GALNT18: variants seen among roughly 807,000 people sequenced by gnomAD.
GALNT18 encodes polypeptide N-acetylgalactosaminyltransferase 18.
A neutral mutation model predicts 69.5 loss-of-function variants in GALNT18; 44 were observed. The observed-to-expected ratio is 0.63, with a 90% CI of 0.50 to 0.81. GALNT18 has a LOEUF of 0.81. GALNT18 is among the 40% of genes least tolerant of loss of function. The probability of loss-of-function intolerance (pLI) is 0.00; values close to 1 mark genes in which losing one functional copy is unlikely to be tolerated. For missense variants in GALNT18, 715 were observed against 810.0 expected (o/e 0.88, Z 1.42); for synonymous variants, 364 against 318.2 (o/e 1.14, Z -1.53).
At chr11:11,271,744 G>C (rs1255252786) in intron 10 of GALNT18, among the ~76,000 whole-genome samples, 1 of 152,206 alleles carries the variant, frequency 6.6e-6, no homozygotes, top group East Asian at 1.9e-4. Context: ...ATCAATACTG[G>C]TTTCAACCAA....
rs1187307538 is a variant in GALNT18, at chr11:11,496,013, G to A, written c.236-47077C>T. 6.6e-6 allele frequency among the ~76,000 whole-genome samples: 1 copy of A among 152,144 alleles called. No individual in the cohort carries two copies. The highest frequency in any genetic ancestry group is 2.4e-5 in the African/African-American group (1 of 41,432). ...ATAATCCTAATCCTAAAACATATGT[G>A]CTATCAGCATCCCTGTTACATGACT... is the stretch of plus-strand genomic sequence containing the variant. On this transcript the variant is annotated intron_variant, in intron 1 of 10. Coordinates refer to ENST00000227756, the MANE Select transcript of GALNT18 (RefSeq NM_198516.3). This position sits in a 1 kb window ranked among gnomAD's most constrained non-coding sequence, Gnocchi z 4.0.
chr11:11,325,136 A>G (rs1452683246), intron 9 of GALNT18, among the ~76,000 whole-genome samples: 2 of 152,276 alleles, frequency 1.3e-5, no homozygotes, highest in Non-Finnish European at 2.9e-5. Context: ...GTGGATAAAG[A>G]AAATGTGGTA....
rs1329761136 is a variant in GALNT18, at chr11:11,309,334, C to T, written c.1513-16141G>A. 1.3e-5 allele frequency among the ~76,000 whole-genome samples: 2 copies of T among 152,136 alleles called. No homozygotes were observed. The highest frequency in any genetic ancestry group is 2.9e-5 in the Non-Finnish European group (2 of 68,018). The stretch of plus-strand genomic sequence containing the variant: ...GGTTATAGCAACACAAAATGACACA[C>T]CTATTAATCTTGATTACCCACTCTC... On this transcript the variant is annotated intron_variant, in intron 9 of 10. Coordinates refer to ENST00000227756, the MANE Select transcript of GALNT18 (RefSeq NM_198516.3). This position sits in a 1 kb window ranked among gnomAD's most constrained non-coding sequence, Gnocchi z 4.6.
chr11:11,543,400 C>T lies in GALNT18; in HGVS notation c.235+77959G>A, dbSNP rs773569865. Among the ~76,000 whole-genome samples the T allele has an allele frequency of 6.6e-6, 1 of 152,164 alleles. No homozygotes were observed. The highest frequency in any genetic ancestry group is 1.5e-5 in the Non-Finnish European group (1 of 68,038). On this transcript the variant is annotated intron_variant, in intron 1 of 10. Coordinates refer to ENST00000227756, the MANE Select transcript of GALNT18 (RefSeq NM_198516.3). This position sits in a 1 kb window ranked among gnomAD's most constrained non-coding sequence, Gnocchi z 5.1. The stretch of plus-strand genomic sequence containing the variant: ...GGACGTGGTGAGGACAAAGGAGCCT[C>T]GATGGAGACCCACTCTGGAACTGGA...
rs1366334446 is a variant in GALNT18, at chr11:11,500,066, C to T, written c.236-51130G>A. 1.3e-5 allele frequency among the ~76,000 whole-genome samples: 2 copies of T among 152,136 alleles called. No individual in the cohort carries two copies. Among genetic ancestry groups the T allele is most frequent in the African/African-American group, 4.8e-5 (2 of 41,432 alleles). ...AGGGAGCAAAATCAAAAAGAGAGGC[C>T]AAGCATTGTTGAAACATGGCATCTT... On this transcript the variant is annotated intron_variant, in intron 1 of 10. Transcript: ENST00000227756. The surrounding 1 kb of genome is among the most constrained non-coding windows in gnomAD (Gnocchi z 5.0).
In GALNT18 at chr11:11,523,683, C is replaced by T. The variant is rs1443930418; in HGVS notation, c.236-74747G>A. The stretch of plus-strand genomic sequence containing the variant: ...GCAGTGAGCCGAGATCGCACCACTG[C>T]ACTCCAGCCTGGGCAACAGAGCGAG... On this transcript the variant is annotated intron_variant, in intron 1 of 10. Transcript: ENST00000227756. This position sits in a 1 kb window ranked among gnomAD's most constrained non-coding sequence, Gnocchi z 4.3. 6.6e-6 allele frequency among the ~76,000 whole-genome samples: 1 copy of T among 150,916 alleles called. No homozygotes were observed. The highest frequency in any genetic ancestry group is 1.5e-5 in the Non-Finnish European group (1 of 67,808).
chr11:11,558,180 T>C (rs1165129269), intron 1 of GALNT18, among the ~76,000 whole-genome samples: 4 of 152,174 alleles, frequency 2.6e-5, no homozygotes, highest in Non-Finnish European at 2.9e-5. Flanking sequence ...TTTTTTACAT[T>C]GTAATGTTTT....
intron 8 of GALNT18, among the ~76,000 whole-genome samples, chr11:11,328,352 G>T (rs768118838): frequency 6.6e-6 from 1 of 152,146 alleles, no homozygotes; most frequent in South Asian, 2.1e-4. Flanking sequence ...TAGAACAGGG[G>T]ACTGGAGATC....
In GALNT18 at chr11:11,605,399, T is replaced by C. The variant is rs1258907170; in HGVS notation, c.235+15960A>G. Among the ~76,000 whole-genome samples the C allele has an allele frequency of 1.3e-5, 2 of 152,176 alleles. No individual in the cohort carries two copies. Among genetic ancestry groups the C allele is most frequent in the African/African-American group, 4.8e-5 (2 of 41,422 alleles). Reference sequence around the variant, plus strand: ...CTCACTGCAGACCTTTCCCGACACCTGTCTCCTGAGTGCGAAACAGCAAGT... The same window carrying C: ...CTCACTGCAGACCTTTCCCGACACCCGTCTCCTGAGTGCGAAACAGCAAGT... On this transcript the variant is annotated intron_variant, in intron 1 of 10. Transcript: ENST00000227756. This position sits in a 1 kb window ranked among gnomAD's most constrained non-coding sequence, Gnocchi z 4.7.
intron 1 of GALNT18, among the ~76,000 whole-genome samples, chr11:11,531,746 C>A (rs1857653498): frequency 6.6e-6 from 1 of 152,216 alleles, no homozygotes; most frequent in Non-Finnish European, 1.5e-5. Context: ...CTAGGTGTAA[C>A]AAGAGCTCCC....
rs1857881094 is a variant in GALNT18 at position 11,540,215 on chromosome 11, T to C, written c.235+81144A>G. On this transcript the variant is annotated intron_variant, in intron 1 of 10. Coordinates refer to ENST00000227756, the MANE Select transcript of GALNT18 (RefSeq NM_198516.3). The surrounding 1 kb of genome is among the most constrained non-coding windows in gnomAD (Gnocchi z 4.6). ...ACATTTTCAAAACAGAGATAGTCAG[T>C]TCTGTCTCCTTAGCAAGCTATCTTC... Among the ~76,000 whole-genome samples, 1 of 152,244 alleles carries C rather than the reference T, an allele frequency of 6.6e-6. No homozygotes were observed. Among genetic ancestry groups the C allele is most frequent in the Admixed American group, 6.5e-5 (1 of 15,282 alleles).
Position 11,445,184 on chromosome 11 carries a change from T to C in GALNT18, c.428+3560A>G, listed in dbSNP as rs114830114. ...ATGCCTCAAGGCAGTGTGAGGACAG[T>C]GGTTACATGCACAAATTCTATTGCC... On this transcript the variant is annotated intron_variant, in intron 2 of 10. Coordinates refer to ENST00000227756, the MANE Select transcript of GALNT18 (RefSeq NM_198516.3). Among the ~76,000 whole-genome samples, 416 of 152,306 alleles carry C rather than the reference T, an allele frequency of 2.7e-3. 2 individuals are homozygous for C. The highest frequency in any genetic ancestry group is 9.2e-3 in the African/African-American group (384 of 41,570).
chr11:11,547,728 C>A (rs149609164), intron 1 of GALNT18, among the ~76,000 whole-genome samples: 42 of 152,334 alleles, frequency 2.8e-4, no homozygotes, highest in Non-Finnish European at 1.0e-4. Flanking sequence ...CCATCCTCTA[C>A]GCTGCAATTG....
At position 11,397,558 on chromosome 11, in the gene GALNT18, G is replaced by A. The variant is rs567734923; in HGVS notation, c.596-18294C>T. On this transcript the variant is annotated intron_variant, in intron 3 of 10. Transcript: ENST00000227756. Reference sequence around the variant, plus strand: ...GGCTCACTGCAACTTCCACCTCCCCGGTTCAAGTGATTCTCATGCCTCAGC... The same window carrying A: ...GGCTCACTGCAACTTCCACCTCCCCAGTTCAAGTGATTCTCATGCCTCAGC... 4.1e-4 allele frequency among the ~76,000 whole-genome samples: 63 copies of A among 152,242 alleles called. 3 individuals carry two copies. The highest frequency in any genetic ancestry group is 1.4e-3 in the African/African-American group (59 of 41,536).
At chr11:11,565,824 G>A (rs1858636828) in intron 1 of GALNT18, among the ~76,000 whole-genome samples, 2 of 152,172 alleles carry the variant, frequency 1.3e-5, no homozygotes, top group African/African-American at 4.8e-5. Context: ...TGGGTAAAGG[G>A]GTCTTGAGAA....
intron 5 of GALNT18, among the ~76,000 whole-genome samples, chr11:11,376,245 A>C (rs982792453): frequency 1.3e-4 from 20 of 152,134 alleles, no homozygotes; most frequent in African/African-American, 4.3e-4. Flanking sequence ...AGCCAGGTGC[A>C]GTGGCAGGTG....
At chr11:11,278,102 G>A (rs1484300603) in intron 10 of GALNT18, among the ~76,000 whole-genome samples, 1 of 151,970 alleles carries the variant, frequency 6.6e-6, no homozygotes, top group East Asian at 2.0e-4. Context: ...ACAGTAGGGT[G>A]TTAAAGTCTC....
intron 10 of GALNT18, among the ~76,000 whole-genome samples, chr11:11,288,396 T>A (rs1849234610): frequency 6.6e-6 from 1 of 152,146 alleles, no homozygotes; most frequent in Admixed American, 6.5e-5. Flanking sequence ...ATGATATAAA[T>A]CAAACAAGCC....
chr11:11,336,343 A>G (rs1186147688), intron 7 of GALNT18, among the ~76,000 whole-genome samples: 1 of 152,182 alleles, frequency 6.6e-6, no homozygotes. Context: ...CTCAGTTCAC[A>G]GTTCCGAGGA....
Sources: allele counts gnomAD v4.1 joint callset (sites outside exome capture counted in the v4.1 genomes callset), GRCh38; gene constraint gnomAD v4.1.1; non-coding constraint Gnocchi (gnomAD v3.1); transcripts MANE v1.5; gene names NCBI Gene and HGNC (gene_info 2026-07-23, HGNC 2026-07-21).